Variants in GSTA5 observed in about 807,000 individuals in gnomAD.
The protein encoded by GSTA5 is glutathione S-transferase alpha 5.
A neutral mutation model predicts 21.8 loss-of-function variants in GSTA5; 25 were observed. That is an observed-to-expected ratio of 1.14 (90% CI 0.83 to 1.60). GSTA5 has a LOEUF of 1.60. Among genes scored for constraint, GSTA5 ranks in the 40% most tolerant of loss-of-function variants. The probability of loss-of-function intolerance (pLI) is 0.00; values close to 1 mark genes in which losing one functional copy is unlikely to be tolerated. For missense variants in GSTA5, 330 were observed against 259.2 expected (o/e 1.27, Z -1.88); for synonymous variants, 102 against 89.5 (o/e 1.14, Z -0.78).
intron 2 of GSTA5, among the ~76,000 whole-genome samples, chr6:52,837,252 A>G (rs892118850): frequency 1.3e-5 from 2 of 152,164 alleles, no homozygotes; most frequent in Non-Finnish European, 2.9e-5. Context: ...GGAGGGCTCT[A>G]TGGGATCCTG....
upstream of GSTA5, among the ~76,000 whole-genome samples, chr6:52,843,948 C>G (rs1485383697): frequency 6.6e-6 from 1 of 152,140 alleles, no homozygotes; most frequent in Non-Finnish European, 1.5e-5. Flanking sequence ...AAGGGTCAGG[C>G]TAAGACTGGG....
chr6:52,834,130 G>A lies in GSTA5; in HGVS notation c.414+11C>T, dbSNP rs1201611963. The A allele has an allele frequency of 2.5e-6, 4 of 1,613,950 alleles. No homozygotes were observed. Among genetic ancestry groups the A allele is most frequent in the South Asian group, 1.1e-5 (1 of 91,080 alleles). The stretch of plus-strand genomic sequence containing the variant: ...ACTCAGTTCCCCTAAACATTGAACA[G>A]CTTCACTTACTTTTTCAAAGGCAGG... On this transcript the variant is annotated intron_variant, in intron 4 of 5. Coordinates refer to ENST00000370989, the Ensembl canonical transcript of GSTA5.
At chr6:52,833,558 C>A (rs532082991) in intron 4 of GSTA5, among the ~76,000 whole-genome samples, 4 of 152,148 alleles carry the variant, frequency 2.6e-5, no homozygotes, top group Non-Finnish European at 4.4e-5. Flanking sequence ...GGTTCCTAAC[C>A]GGCACTCTGT....
upstream of GSTA5, among the ~76,000 whole-genome samples, chr6:52,844,941 G>C (rs1245464511): frequency 2.0e-5 from 3 of 151,996 alleles, no homozygotes; most frequent in Non-Finnish European, 4.4e-5. Context: ...ACCCATCCAA[G>C]TATGTATTAT....
upstream of GSTA5, among the ~76,000 whole-genome samples, chr6:52,845,419 T>C (rs188309678): frequency 5.2e-4 from 79 of 152,242 alleles, no homozygotes; most frequent in Non-Finnish European, 1.1e-3. Context: ...CTTAGAAACC[T>C]CCTAGAGTGG....
chr6:52,839,495 G>A (rs1318819611), intron 1 of GSTA5, among the ~76,000 whole-genome samples: 4 of 152,240 alleles, frequency 2.6e-5, no homozygotes, highest in Non-Finnish European at 5.9e-5. Context: ...GAGAAAGGGT[G>A]AGGCTAAAGT....
At chr6:52,845,398 G>C (rs1299472526), upstream of GSTA5, among the ~76,000 whole-genome samples, 1 of 152,188 alleles carries the variant, frequency 6.6e-6, no homozygotes, top group Non-Finnish European at 1.5e-5. Context: ...GATAGGTAAA[G>C]GGCAGGGACG....
At chr6:52,832,898 C>G (rs755760045) in exon 5 of GSTA5, 1 of 1,614,088 alleles carries the variant, frequency 6.2e-7, no homozygotes, top group Non-Finnish European at 8.5e-7. Context: ...TCGAGTCAAG[C>G]TCTTCCACGT....
intron 4 of GSTA5, among the ~76,000 whole-genome samples, chr6:52,833,378 C>T (rs1764245059): frequency 6.6e-6 from 1 of 152,140 alleles, no homozygotes; most frequent in South Asian, 2.1e-4. Context: ...CTCCAATCTC[C>T]CTTGGGCAGT....
At chr6:52,836,133 CCTG>C (rs1189435355) in intron 3 of GSTA5, 100 bp downstream of exon 3, 11 of 1,309,202 alleles carry the variant, frequency 8.4e-6, no homozygotes, top group Admixed American at 1.9e-5. Context: ...CAAGACCCAG[CCTG>C]CTGCTGGTCA....
chr6:52,840,038 A>C (rs2127325085), intron 1 of GSTA5, among the ~76,000 whole-genome samples: 1 of 152,342 alleles, frequency 6.6e-6, no homozygotes, highest in Non-Finnish European at 1.5e-5. Flanking sequence ...GTCAATCTTT[A>C]ATAGGTAGTT....
At chr6:52,831,914 G>A (rs1764220810) in exon 6 of GSTA5, 1 of 1,613,734 alleles carries the variant, frequency 6.2e-7, no homozygotes, top group East Asian at 2.2e-5. Flanking sequence ...TTCTCTGGCT[G>A]CCAGGCTGCA....
chr6:52,837,216 G>T (rs925233860), intron 2 of GSTA5, among the ~76,000 whole-genome samples: 2 of 152,114 alleles, frequency 1.3e-5, no homozygotes, highest in African/African-American at 2.4e-5. Flanking sequence ...TTCATCTAGC[G>T]CATGTTCTTG....
chr6:52,841,526 A>G (rs1764377305), upstream of GSTA5, among the ~76,000 whole-genome samples: 1 of 152,252 alleles, frequency 6.6e-6, no homozygotes, highest in African/African-American at 2.4e-5. Context: ...TAGAAGATCC[A>G]AAGTCTTTCA....
chr6:52,832,355 A>G (rs1212517236), intron 5 of GSTA5, among the ~76,000 whole-genome samples: 2 of 152,226 alleles, frequency 1.3e-5, no homozygotes, highest in Non-Finnish European at 2.9e-5. Context: ...TATAGAAAAC[A>G]TTAAACACAA....
chr6:52,842,406 C>CTTTTTTTT (rs3063633), upstream of GSTA5, among the ~76,000 whole-genome samples: 1 of 128,784 alleles, frequency 7.8e-6, no homozygotes, highest in Admixed American at 8.5e-5. Context: ...TAATGTATTT[C>CTTTTTTTT]TTTTTTTTTT....
upstream of GSTA5, among the ~76,000 whole-genome samples, chr6:52,842,785 G>A (rs1764398869): frequency 6.6e-6 from 1 of 152,104 alleles, no homozygotes; most frequent in African/African-American, 2.4e-5. Context: ...AAATTCTGGG[G>A]TACATGTGCA....
At chr6:52,835,697 A>C (rs1352104915) in intron 3 of GSTA5, among the ~76,000 whole-genome samples, 1 of 152,194 alleles carries the variant, frequency 6.6e-6, no homozygotes, top group Non-Finnish European at 1.5e-5. Context: ...TCAGCCTTCT[A>C]TCCATGTGTC....
At chr6:52,840,626 G>T in intron 1 of GSTA5, 101 bp downstream of exon 1, 1 of 1,071,566 alleles carries the variant, frequency 9.3e-7, no homozygotes, top group Non-Finnish European at 1.4e-6. Flanking sequence ...TTTATTTAAG[G>T]CACAATGCTT....
Sources: gnomAD v4.1 joint callset for allele counts (sites outside exome capture counted in the v4.1 genomes callset) on GRCh38, gnomAD v4.1.1 for gene constraint, MANE v1.5 for transcripts, NCBI Gene and HGNC (gene_info 2026-07-23, HGNC 2026-07-21) for gene names.